RHOU: variants seen among roughly 807,000 people sequenced by gnomAD.
The protein encoded by RHOU is ras homolog family member U, also known as rho-related GTP-binding protein RhoU.
RHOU carries 8 observed loss-of-function variants against 12.6 expected under a neutral mutation model. The ratio of observed to expected loss-of-function variants is 0.64; its 90% CI spans 0.37 to 1.15. The LOEUF (loss-of-function observed/expected upper bound fraction) is 1.15. Among genes scored for constraint, RHOU ranks in the 50% most tolerant of loss-of-function variants. The pLI, the probability that RHOU is intolerant of heterozygous loss-of-function variation, is 0.01. For missense variants in RHOU, 258 were observed against 347.0 expected, an observed-to-expected ratio of 0.74 and a Z score of 2.04; for synonymous variants, 161 against 147.4, an observed-to-expected ratio of 1.09 and a Z score of -0.67.
At chr1:228,708,557 T>C in the RHOU span, among the ~76,000 whole-genome samples, 2 of 151,426 alleles carry the variant, frequency 1.3e-5, no homozygotes, top group Admixed American at 1.3e-4. Flanking sequence ...CCAGCCAAAC[T>C]AAACTTCATA....
At chr1:228,702,964 A>C in the RHOU span, among the ~76,000 whole-genome samples, 1 of 152,118 alleles carries the variant, frequency 6.6e-6, no homozygotes, top group African/African-American at 2.4e-5. Context: ...TAAAGGGATG[A>C]CTCTTAGGTG....
chr1:228,674,542 C>T, the RHOU span, among the ~76,000 whole-genome samples: 1 of 151,550 alleles, frequency 6.6e-6, no homozygotes, highest in Non-Finnish European at 1.5e-5. Flanking sequence ...AACGGAGTTT[C>T]ACCATGTTGT....
the RHOU span, among the ~76,000 whole-genome samples, chr1:228,647,397 G>C: frequency 6.6e-6 from 1 of 152,204 alleles, no homozygotes; most frequent in African/African-American, 2.4e-5. Context: ...TGGGTCTCTG[G>C]CGTGTCCTCG....
At chr1:228,691,035 A>C in the RHOU span, among the ~76,000 whole-genome samples, 1 of 152,176 alleles carries the variant, frequency 6.6e-6, no homozygotes, top group Admixed American at 6.5e-5. Flanking sequence ...GTTACTTGTA[A>C]AAGTTTGGTT....
At chr1:228,661,587 C>T in the RHOU span, among the ~76,000 whole-genome samples, 2 of 152,154 alleles carry the variant, frequency 1.3e-5, no homozygotes, top group South Asian at 4.1e-4. Flanking sequence ...AAAAGGATTC[C>T]CTATTTAATA....
At chr1:228,675,446 TG>T in the RHOU span, among the ~76,000 whole-genome samples, 1 of 152,210 alleles carries the variant, frequency 6.6e-6, no homozygotes, top group Non-Finnish European at 1.5e-5. Context: ...ATTGGGATTT[TG>T]TTTGAGATTG....
At chr1:228,654,658 A>T in the RHOU span, among the ~76,000 whole-genome samples, 763 of 152,306 alleles carry the variant, frequency 5.0e-3, 7 homozygotes, top group Non-Finnish European at 6.7e-3. Context: ...ACATAATTGA[A>T]ATTTCACGAT....
rs1433311410 is a variant in RHOU at position 228,735,776 on chromosome 1, G to C, written c.34G>C (p.Asp12His). Residue 12 changes from aspartate (D) to histidine (H), a missense_variant, in exon 1 of 3, where the codon GAC becomes CAC. Transcript: ENST00000366691. The surrounding 1 kb of genome is among the most constrained non-coding windows in gnomAD (Gnocchi z 8.1). ...PPQQGDPAFP[D>H]RCEAPPVPPR... Reference sequence around the variant, plus strand: ...GCAGCAGGGGGACCCCGCGTTCCCCGACCGCTGCGAGGCGCCTCCGGTGCC... The same window carrying C: ...GCAGCAGGGGGACCCCGCGTTCCCCCACCGCTGCGAGGCGCCTCCGGTGCC... 4.1e-6 allele frequency: 5 copies of C among 1,212,572 alleles called. No homozygotes were observed. The East Asian group carries it at 1.0e-4, about 25-fold the overall frequency. 75.1% of individuals were successfully genotyped at this position (1,212,572 alleles called of 1,614,324 possible). A position where few individuals can be genotyped will look rare whatever the true frequency, so the allele number is the denominator to read the frequency against.
At chr1:228,707,253 ATAGTGTGTGTGT>A in the RHOU span, among the ~76,000 whole-genome samples, 303 of 76,936 alleles carry the variant, frequency 3.9e-3, no homozygotes, top group African/African-American at 0.016. Context: ...ATATATATAT[ATAGTGTGTGTGT>A]GTGTGTGTGT....
chr1:228,717,574 C>T, the RHOU span, among the ~76,000 whole-genome samples: 1 of 152,232 alleles, frequency 6.6e-6, no homozygotes, highest in Non-Finnish European at 1.5e-5. Context: ...TCACTTACCA[C>T]TCCAACTTAC....
chr1:228,667,704 A>G, the RHOU span, among the ~76,000 whole-genome samples: 1 of 152,218 alleles, frequency 6.6e-6, no homozygotes, highest in African/African-American at 2.4e-5. Flanking sequence ...AAATAAAGCA[A>G]TAAAGTGATA....
chr1:228,721,098 T>C, the RHOU span, among the ~76,000 whole-genome samples: 1 of 152,156 alleles, frequency 6.6e-6, no homozygotes, highest in Non-Finnish European at 1.5e-5. Context: ...GGTCAGGAGT[T>C]TGAGACCAGC....
At chr1:228,742,285 A>G (rs1662739504) in intron 2 of RHOU, among the ~76,000 whole-genome samples, 1 of 152,238 alleles carries the variant, frequency 6.6e-6, no homozygotes, top group Non-Finnish European at 1.5e-5. Flanking sequence ...TTTGGAGAAC[A>G]ACATCTGTCT....
chr1:228,691,238 A>G, the RHOU span, among the ~76,000 whole-genome samples: 3 of 152,122 alleles, frequency 2.0e-5, no homozygotes, highest in South Asian at 6.2e-4. Context: ...CAATCAATAA[A>G]TCTATATTGA....
chr1:228,723,207 T>G, the RHOU span, among the ~76,000 whole-genome samples: 4,022 of 152,230 alleles, frequency 0.026, 193 homozygotes, highest in African/African-American at 0.091. Context: ...ATGAACACTC[T>G]TGGAGTGGTT....
At chr1:228,701,644 ATC>A in the RHOU span, among the ~76,000 whole-genome samples, 1 of 152,030 alleles carries the variant, frequency 6.6e-6, no homozygotes, top group Non-Finnish European at 1.5e-5. Flanking sequence ...ATGTTTTATA[ATC>A]TCTTACAAAA....
At chr1:228,699,097 T>C in the RHOU span, among the ~76,000 whole-genome samples, 1 of 116,132 alleles carries the variant, frequency 8.6e-6, no homozygotes, top group African/African-American at 3.6e-5. Context: ...TTTTTTTTTG[T>C]TTTTTTTAAC....
the RHOU span, among the ~76,000 whole-genome samples, chr1:228,659,995 A>C: frequency 6.6e-6 from 1 of 151,670 alleles, no homozygotes; most frequent in East Asian, 1.9e-4. Flanking sequence ...GAAAGAAAGA[A>C]AAAGAAAAAT....
the RHOU span, among the ~76,000 whole-genome samples, chr1:228,726,869 G>T: frequency 6.6e-6 from 1 of 152,112 alleles, no homozygotes; most frequent in African/African-American, 2.4e-5. Context: ...TGGAAGATGA[G>T]GGGGAGGAGG....
Sources: allele counts gnomAD v4.1 joint callset (sites outside exome capture counted in the v4.1 genomes callset), GRCh38; gene constraint gnomAD v4.1.1; non-coding constraint Gnocchi (gnomAD v3.1); transcripts MANE v1.5; gene names NCBI Gene and HGNC (gene_info 2026-07-23, HGNC 2026-07-21).